NF1: variants seen among roughly 807,000 people sequenced by gnomAD.
NF1 encodes the protein neurofibromin 1.
A neutral mutation model predicts 325.7 loss-of-function variants in NF1; 122 were observed. That is an observed-to-expected ratio of 0.37 (90% CI 0.32 to 0.44). NF1 has a LOEUF of 0.44. Ranked by LOEUF, NF1 falls within the 20% of genes least tolerant of loss-of-function variation. The probability of loss-of-function intolerance (pLI) is 1.00; values close to 1 mark genes in which losing one functional copy is unlikely to be tolerated. For missense variants in NF1, 2,140 were observed against 3,415.4 expected (o/e 0.63, Z 9.31); for synonymous variants, 1,091 against 1,186.0 (o/e 0.92, Z 1.65).
rs17883941 is a variant in NF1 at position 31,155,414 on chromosome 17, T to C, written c.61-569T>C. Among the ~76,000 whole-genome samples, 1,026 of 152,318 alleles carry C rather than the reference T, an allele frequency of 6.7e-3. 17 individuals are homozygous for C. Among genetic ancestry groups the C allele is most frequent in the African/African-American group, 0.023 (962 of 41,566 alleles). On this transcript the variant is annotated intron_variant, in intron 1 of 57. Coordinates refer to ENST00000358273, the MANE Select transcript of NF1 (RefSeq NM_001042492.3). ...AATTGTGTAGCTGAGGGTGCTTATCTTACTGAGTGAGTCTTACTGTTTTTT... is the reference window on the plus strand; with the variant it reads ...AATTGTGTAGCTGAGGGTGCTTATCCTACTGAGTGAGTCTTACTGTTTTTT...
intron 36 of NF1, chr17:31,318,716 C>T (rs778460678): frequency 3.1e-5 from 50 of 1,613,854 alleles, no homozygotes; most frequent in East Asian, 4.5e-5. Flanking sequence ...CTGTTGCTGA[C>T]GACAGAAGGT....
intron 8 of NF1, among the ~76,000 whole-genome samples, chr17:31,188,483 G>C (rs552265115): frequency 1.3e-5 from 2 of 152,318 alleles, no homozygotes; most frequent in South Asian, 4.1e-4. Flanking sequence ...ATTGTATTAT[G>C]TTAGGCATAA....
At chr17:31,121,088 A>G (rs1427920473) in intron 1 of NF1, among the ~76,000 whole-genome samples, 2 of 152,218 alleles carry the variant, frequency 1.3e-5, no homozygotes, top group Non-Finnish European at 2.9e-5. Flanking sequence ...GCGTAATTCA[A>G]TTTCTCTATA....
At chr17:31,095,412 G>A (rs1434517086) in intron 1 of NF1, 43 bp downstream of exon 1, 5 of 1,528,618 alleles carry the variant, frequency 3.3e-6, no homozygotes, top group Non-Finnish European at 3.5e-6. Flanking sequence ...CGGAGTGGGG[G>A]TGGGGACAGA....
chr17:31,276,615 G>A (rs2068015412), intron 36 of NF1, among the ~76,000 whole-genome samples: 1 of 152,172 alleles, frequency 6.6e-6, no homozygotes, highest in Non-Finnish European at 1.5e-5. Flanking sequence ...TTCACTTAGT[G>A]TGGATATTAA....
At chr17:31,110,148 G>A (rs1037949127) in intron 1 of NF1, among the ~76,000 whole-genome samples, 1 of 152,076 alleles carries the variant, frequency 6.6e-6, no homozygotes, top group African/African-American at 2.4e-5. Context: ...GATATACAGG[G>A]AGAATTTAAT....
chr17:31,170,315 G>C (rs1310515369), intron 5 of NF1, among the ~76,000 whole-genome samples: 6 of 152,164 alleles, frequency 3.9e-5, no homozygotes, highest in Non-Finnish European at 5.9e-5. Flanking sequence ...GTGGCTATAG[G>C]TTATAGAAGC....
intron 1 of NF1, among the ~76,000 whole-genome samples, chr17:31,101,945 G>GT (rs1188251779): frequency 1.3e-5 from 2 of 152,114 alleles, no homozygotes; most frequent in African/African-American, 4.8e-5. Flanking sequence ...AGTCACCCCA[G>GT]TGCCCAGCAC....
intron 38 of NF1, among the ~76,000 whole-genome samples, chr17:31,328,247 A>G (rs1339979346): frequency 6.6e-6 from 1 of 152,250 alleles, no homozygotes. Context: ...ACATTATTGC[A>G]TACTTTCCAC....
chr17:31,100,496 C>T (rs1208741784), intron 1 of NF1, among the ~76,000 whole-genome samples: 6 of 152,126 alleles, frequency 3.9e-5, no homozygotes, highest in Non-Finnish European at 5.9e-5. Flanking sequence ...ATATGTGGTG[C>T]TGAATCGAGC....
At chr17:31,271,834 A>G (rs111152720) in intron 36 of NF1, among the ~76,000 whole-genome samples, 1 of 150,048 alleles carries the variant, frequency 6.7e-6, no homozygotes, top group African/African-American at 2.5e-5. Flanking sequence ...CCTATCCCCT[A>G]TCCTTCATCT....
intron 1 of NF1, among the ~76,000 whole-genome samples, chr17:31,127,303 T>G (rs1326684863): frequency 6.6e-6 from 1 of 152,164 alleles, no homozygotes. Context: ...AAAATGATAC[T>G]GGGATTTTGA....
At chr17:31,304,653 A>G (rs756230546) in intron 36 of NF1, 18 of 1,614,028 alleles carry the variant, frequency 1.1e-5, no homozygotes, top group South Asian at 3.3e-5. Context: ...CATCAGCACT[A>G]TCTTCTGATG....
At chr17:31,179,773 A>T (rs1393003378) in intron 5 of NF1, among the ~76,000 whole-genome samples, 1 of 151,226 alleles carries the variant, frequency 6.6e-6, no homozygotes, top group Non-Finnish European at 1.5e-5. Flanking sequence ...ACAGAGCAAG[A>T]CTCTGTTTAA....
At chr17:31,097,459 CAAAAAAAAAAA>C (rs71142015) in intron 1 of NF1, among the ~76,000 whole-genome samples, 23 of 78,338 alleles carry the variant, frequency 2.9e-4, no homozygotes, top group Non-Finnish European at 3.9e-4. Flanking sequence ...CTCTTGTCTC[CAAAAAAAAAAA>C]AAAAAAAAAA....
At position 31,325,295 on chromosome 17, in the gene NF1, A is replaced by G. The variant is rs1030759256; in HGVS notation, c.4836-525A>G. The stretch of plus-strand genomic sequence containing the variant: ...ATATGAGCTAGCAACTCCTAGGGCT[A>G]CGTATTCCCTTGTTTATAAACACCA... On this transcript the variant is annotated intron_variant, in intron 36 of 57. Coordinates refer to ENST00000358273, the MANE Select transcript of NF1 (RefSeq NM_001042492.3). Among the ~76,000 whole-genome samples the G allele has an allele frequency of 2.0e-5, 3 of 152,190 alleles. No homozygotes were observed. In the South Asian group the frequency reaches 6.2e-4, roughly 31 times the overall value.
rs267606600 is a variant in NF1 at position 31,219,017 on chromosome 17, CAG to C, written c.1541_1542del (p.Gln514ArgfsTer43). On this transcript the variant is annotated frameshift_variant, in exon 14 of 58. Transcript: ENST00000358273. LOFTEE classifies it high-confidence loss of function. Reference sequence around the variant, plus strand: ...TTTTTCCTTGCAGAATCCAAGAAAACAGGGGCCCGAAACCCAAGGCAGTACAG... The same window carrying C: ...TTTTTCCTTGCAGAATCCAAGAAAACGGGCCCGAAACCCAAGGCAGTACAG... ...PKLLLCNPRK[Q>X]GPETQGSTAE... The C allele has an allele frequency of 3.1e-6, 5 of 1,612,716 alleles. No individual in the cohort carries two copies. Among genetic ancestry groups the C allele is most frequent in the Admixed American group, 1.7e-5 (1 of 59,824 alleles).
At position 31,349,243 on chromosome 17, in the gene NF1, A is replaced by C. The variant is rs876660597; in HGVS notation, c.7313A>C (p.Tyr2438Ser). The C allele has an allele frequency of 6.2e-7, 1 of 1,612,936 alleles. No individual in the cohort carries two copies. The highest frequency in any genetic ancestry group is 8.5e-7 in the Non-Finnish European group (1 of 1,179,704). ...KFEVNTQSVA[Y>S]LAALLTVSEE... is the part of the protein sequence containing the mutation. ...GAAGTGAATACACAGAGCGTGGCCT[A>C]CTTAGCAGGTAAAAACACAAAATAA... Residue 2438 changes from tyrosine (Y) to serine (S), a missense_variant, in exon 49 of 58, where the codon TAC (tyrosine) becomes TCC (serine). Physicochemically the swap from Tyr to Ser is moderately radical, Grantham distance 144. Around this residue, in one of 10 missense-constraint regions of NF1, gnomAD observed 522 missense variants for 749.0 expected, o/e 0.70. Transcript: ENST00000358273.
chr17:31,310,059 C>CT (rs1423216976), intron 36 of NF1, among the ~76,000 whole-genome samples: 1 of 152,036 alleles, frequency 6.6e-6, no homozygotes, highest in South Asian at 2.1e-4. Flanking sequence ...AAAAAACTGA[C>CT]TTTTTTCCCA....
Sources: allele counts gnomAD v4.1 joint callset (sites outside exome capture counted in the v4.1 genomes callset), GRCh38; gene constraint gnomAD v4.1.1; regional missense constraint gnomAD v4.1.1; transcripts MANE v1.5; gene names NCBI Gene and HGNC (gene_info 2026-07-23, HGNC 2026-07-21).